Variants in FAM117B observed in about 807,000 individuals in gnomAD.
The protein encoded by FAM117B is family with sequence similarity 117 member B.
A neutral mutation model predicts 52.8 loss-of-function variants in FAM117B; 22 were observed. That is an observed-to-expected ratio of 0.42 (90% confidence interval 0.30 to 0.59). The LOEUF (loss-of-function observed/expected upper bound fraction) is 0.59, where lower values mean the gene tolerates loss of function less well. Ranked by LOEUF, FAM117B falls within the 20% of genes least tolerant of loss-of-function variation. The probability of loss-of-function intolerance (pLI) is 0.22; values close to 1 mark genes in which losing one functional copy is unlikely to be tolerated. For synonymous variants in FAM117B, 309 were observed against 324.1 expected (o/e 0.95, Z 0.50); for missense variants, 678 against 802.6 (o/e 0.84, Z 1.88).
chr2:202,736,585 AC>A (rs933828301), intron 4 of FAM117B, among the ~76,000 whole-genome samples: 5 of 152,084 alleles, frequency 3.3e-5, no homozygotes, highest in African/African-American at 1.2e-4. Context: ...ACCTGGTGAA[AC>A]CCTGTCTCAT....
intron 1 of FAM117B, among the ~76,000 whole-genome samples, chr2:202,637,488 C>A (rs577607231): frequency 1.3e-5 from 2 of 152,292 alleles, no homozygotes; most frequent in African/African-American, 2.4e-5. Context: ...AACTCCTGAC[C>A]TTATGTGATC....
Position 202,740,279 on chromosome 2 carries a change from G to A in FAM117B, c.960+13916G>A, listed in dbSNP as rs189281211. 6.6e-3 allele frequency among the ~76,000 whole-genome samples: 865 copies of A among 131,294 alleles called. 11 individuals carry two copies. The highest frequency in any genetic ancestry group is 0.01 in the Non-Finnish European group (651 of 64,482). 86.1% of individuals were successfully genotyped at this position (131,294 alleles called of 152,430 possible). A position where few individuals can be genotyped will look rare whatever the true frequency, so the allele number is the denominator to read the frequency against. ...GGAGGGTGAGGCATGAGAATCACTT[G>A]AACCTGTGAGTCGGAGGTTGCAGTG... On this transcript the variant is annotated intron_variant, in intron 4 of 7. Transcript: ENST00000392238.
chr2:202,717,539 G>A (rs1368490215), intron 2 of FAM117B, among the ~76,000 whole-genome samples: 2 of 152,148 alleles, frequency 1.3e-5, no homozygotes, highest in Non-Finnish European at 2.9e-5. Flanking sequence ...GCTCAGTAAT[G>A]TTGTGATATT....
At chr2:202,715,411 G>A (rs1297041406) in intron 2 of FAM117B, among the ~76,000 whole-genome samples, 36 of 150,474 alleles carry the variant, frequency 2.4e-4, no homozygotes, top group Non-Finnish European at 4.3e-4. Context: ...CAGACGGGGC[G>A]GCCGGGCAGA....
chr2:202,714,837 A>G (rs1286858853), intron 2 of FAM117B, among the ~76,000 whole-genome samples: 1 of 151,840 alleles, frequency 6.6e-6, no homozygotes, highest in African/African-American at 2.4e-5. Flanking sequence ...TTCAGAGAGC[A>G]CAGGGTTGGG....
At position 202,710,623 on chromosome 2, in the gene FAM117B, G is replaced by A. The variant is rs181083083; in HGVS notation, c.754-14294G>A. ...GTATAATAAATTACTGTTTACTGGA[G>A]TCACCCTGTTGTGCTATCAAATACT... is the stretch of plus-strand genomic sequence containing the variant. On this transcript the variant is annotated intron_variant, in intron 2 of 7. Coordinates refer to ENST00000392238, the MANE Select transcript of FAM117B (RefSeq NM_173511.4). 8.4e-3 allele frequency among the ~76,000 whole-genome samples: 1,275 copies of A among 151,912 alleles called. 9 individuals carry two copies. Among genetic ancestry groups the A allele is most frequent in the South Asian group, 0.025 (122 of 4,814 alleles).
intron 5 of FAM117B, among the ~76,000 whole-genome samples, 188 bp downstream of exon 5, chr2:202,755,869 A>T (rs1015618327): frequency 6.6e-6 from 1 of 152,218 alleles, no homozygotes; most frequent in East Asian, 1.9e-4. Context: ...TCATAGAGGC[A>T]ACTGATCTGA....
intron 1 of FAM117B, among the ~76,000 whole-genome samples, chr2:202,651,163 G>A (rs1689950226): frequency 6.7e-6 from 1 of 150,134 alleles, no homozygotes; most frequent in East Asian, 1.9e-4. Context: ...CCCAGTTCAA[G>A]CAATTCTGGT....
chr2:202,649,458 A>G (rs1320819547), intron 1 of FAM117B, among the ~76,000 whole-genome samples: 1 of 152,148 alleles, frequency 6.6e-6, no homozygotes, highest in Non-Finnish European at 1.5e-5. Flanking sequence ...CCTCCCACCC[A>G]TCCTTTGTGA....
chr2:202,638,074 C>T (rs1219459860), intron 1 of FAM117B, among the ~76,000 whole-genome samples: 1 of 152,090 alleles, frequency 6.6e-6, no homozygotes, highest in East Asian at 1.9e-4. Context: ...CAGGGTTTCT[C>T]CACATTCGTC....
intron 2 of FAM117B, among the ~76,000 whole-genome samples, chr2:202,716,463 C>T (rs985250288): frequency 1.4e-4 from 21 of 151,670 alleles, no homozygotes; most frequent in African/African-American, 5.1e-4. Context: ...TTCTTTCCTT[C>T]CTTCCTGTCT....
intron 1 of FAM117B, among the ~76,000 whole-genome samples, chr2:202,682,049 G>T (rs746859745): frequency 6.6e-6 from 1 of 152,210 alleles, no homozygotes; most frequent in South Asian, 2.1e-4. Context: ...GCTTGACAGC[G>T]CAGCTTCAGA....
chr2:202,754,483 A>AT (rs780218207), intron 4 of FAM117B, among the ~76,000 whole-genome samples: 176 of 151,872 alleles, frequency 1.2e-3, no homozygotes, highest in Non-Finnish European at 7.2e-4. Context: ...CATGTATCTT[A>AT]TTTTTTTTAA....
At chr2:202,700,214 G>A (rs1449204882) in intron 2 of FAM117B, among the ~76,000 whole-genome samples, 1 of 152,222 alleles carries the variant, frequency 6.6e-6, no homozygotes, top group African/African-American at 2.4e-5. Flanking sequence ...ACATGATTGA[G>A]CTTAGAAAGC....
intron 2 of FAM117B, among the ~76,000 whole-genome samples, chr2:202,704,698 T>C (rs1342049161): frequency 6.6e-6 from 1 of 152,046 alleles, no homozygotes; most frequent in Non-Finnish European, 1.5e-5. Context: ...TTCAAGCAAT[T>C]CTCTTGCCTC....
intron 1 of FAM117B, among the ~76,000 whole-genome samples, chr2:202,687,307 C>T (rs933781312): frequency 2.0e-5 from 3 of 152,120 alleles, no homozygotes; most frequent in Non-Finnish European, 4.4e-5. Flanking sequence ...AGATTGACTT[C>T]AAAGGAGCGT....
chr2:202,711,123 A>G (rs1690950689), intron 2 of FAM117B, among the ~76,000 whole-genome samples: 3 of 151,994 alleles, frequency 2.0e-5, no homozygotes, highest in South Asian at 4.1e-4. Context: ...TGTTTTTTTG[A>G]GGAACCTCCA....
intron 4 of FAM117B, among the ~76,000 whole-genome samples, chr2:202,739,179 A>G (rs572870021): frequency 3.3e-5 from 5 of 151,730 alleles, no homozygotes; most frequent in African/African-American, 7.3e-5. Flanking sequence ...ACAGAGTGAG[A>G]CTCTTGTCTC....
intron 1 of FAM117B, among the ~76,000 whole-genome samples, chr2:202,674,115 C>G (rs1690342216): frequency 6.6e-6 from 1 of 152,220 alleles, no homozygotes; most frequent in African/African-American, 2.4e-5. Context: ...ATGGCTTTAA[C>G]CTGTCTGTAA....
Sources: allele counts gnomAD v4.1 joint callset (sites outside exome capture counted in the v4.1 genomes callset), GRCh38; gene constraint gnomAD v4.1.1; transcripts MANE v1.5; gene names NCBI Gene and HGNC (gene_info 2026-07-23, HGNC 2026-07-21).